Variants in ITPR1 observed in about 807,000 individuals in gnomAD.
ITPR1 encodes the protein inositol 1,4,5-trisphosphate receptor type 1, also known as inositol 1,4,5-trisphosphate-gated calcium channel ITPR1.
Under a neutral mutation model 318.4 loss-of-function variants are expected in ITPR1, and 96 were observed. The ratio of observed to expected loss-of-function variants is 0.30; its 90% CI spans 0.26 to 0.36. ITPR1 has a LOEUF of 0.36. Among genes scored for constraint, ITPR1 ranks in the 10% least tolerant of loss-of-function variants. The probability of loss-of-function intolerance (pLI) is 1.00; values close to 1 mark genes in which losing one functional copy is unlikely to be tolerated. For missense variants in ITPR1, 2,440 were observed against 3,460.2 expected (o/e 0.71, Z 7.40); for synonymous variants, 1,312 against 1,289.9 (o/e 1.02, Z -0.37).
At position 4,809,585 on chromosome 3, in the gene ITPR1, T is replaced by A. The variant is rs2048805563; in HGVS notation, c.7273-1680T>A. On this transcript the variant is annotated intron_variant, in intron 55 of 61. Transcript: ENST00000649015. ...CTCTAGATGGTGAATTATTAGTGAC[T>A]TTTTTTCCTTTGTGCTTTTTTTTGT... is the stretch of plus-strand genomic sequence containing the variant. 5.1e-5 allele frequency among the ~76,000 whole-genome samples: 7 copies of A among 137,284 alleles called. No individual in the cohort carries two copies. In the South Asian group the frequency reaches 1.6e-3, roughly 32 times the overall value. 90.1% of individuals were successfully genotyped at this position (137,284 alleles called of 152,430 possible). A position where few individuals can be genotyped will look rare whatever the true frequency, so the allele number is the denominator to read the frequency against.
At chr3:4,650,156 T>G (rs1479472497) in intron 10 of ITPR1, among the ~76,000 whole-genome samples, 1 of 152,254 alleles carries the variant, frequency 6.6e-6, no homozygotes, top group Non-Finnish European at 1.5e-5. Flanking sequence ...GTTTTCACAT[T>G]TTGGCTCCTG....
At chr3:4,502,484 AGGCT>A (rs2081094328) in intron 2 of ITPR1, among the ~76,000 whole-genome samples, 2 of 150,790 alleles carry the variant, frequency 1.3e-5, no homozygotes, top group African/African-American at 4.9e-5. Flanking sequence ...CTCTGTCACC[AGGCT>A]GGAGTGCAGT....
chr3:4,599,532 T>G (rs1371189886), intron 4 of ITPR1, among the ~76,000 whole-genome samples: 1 of 152,182 alleles, frequency 6.6e-6, no homozygotes, highest in Non-Finnish European at 1.5e-5. Flanking sequence ...ACTTTTACAG[T>G]CTTGCCAACA....
intron 60 of ITPR1, among the ~76,000 whole-genome samples, chr3:4,828,357 AG>A (rs1289881853): frequency 6.6e-6 from 1 of 152,222 alleles, no homozygotes; most frequent in African/African-American, 2.4e-5. Context: ...TTGAAAGTGC[AG>A]GGGAAGTTGC....
chr3:4,508,740 A>T (rs770896474), intron 2 of ITPR1, among the ~76,000 whole-genome samples: 2 of 152,148 alleles, frequency 1.3e-5, no homozygotes, highest in Non-Finnish European at 2.9e-5. Context: ...CCCTTTGAAG[A>T]GGTTTCCACC....
chr3:4,604,298 C>T (rs1244423546), intron 4 of ITPR1, among the ~76,000 whole-genome samples: 4 of 152,002 alleles, frequency 2.6e-5, no homozygotes, highest in Admixed American at 6.5e-5. Context: ...TGTGGGCTTT[C>T]GTGGAGTTGT....
intron 14 of ITPR1, among the ~76,000 whole-genome samples, chr3:4,661,538 CCT>C (rs2125190633): frequency 6.6e-6 from 1 of 152,294 alleles, no homozygotes; most frequent in Non-Finnish European, 1.5e-5. Flanking sequence ...TCTCCTTCCC[CCT>C]GTCTCCAGGG....
chr3:4,548,995 G>T (rs1267963280), intron 4 of ITPR1, among the ~76,000 whole-genome samples: 2 of 152,102 alleles, frequency 1.3e-5, no homozygotes, highest in Admixed American at 6.6e-5. Flanking sequence ...TTTCGGGAGG[G>T]GGGGACTTGT....
At chr3:4,722,701 T>C (rs2042247110) in intron 40 of ITPR1, among the ~76,000 whole-genome samples, 1 of 152,046 alleles carries the variant, frequency 6.6e-6, no homozygotes, top group African/African-American at 2.4e-5. Flanking sequence ...CTATGGGTGG[T>C]TTTACCGACT....
intron 42 of ITPR1, among the ~76,000 whole-genome samples, chr3:4,731,077 G>T (rs1175219450): frequency 6.6e-6 from 1 of 152,186 alleles, no homozygotes; most frequent in Non-Finnish European, 1.5e-5. Context: ...TATTTAAAAA[G>T]GGAAATCATA....
intron 10 of ITPR1, among the ~76,000 whole-genome samples, chr3:4,650,979 C>T (rs74407032): frequency 0.098 from 14,929 of 152,172 alleles, 1,006 homozygotes; most frequent in Middle Eastern, 0.18. Context: ...GATCCCTTTG[C>T]TCCTTTGAAG....
intron 4 of ITPR1, among the ~76,000 whole-genome samples, chr3:4,522,927 A>G (rs960432993): frequency 6.6e-6 from 1 of 152,200 alleles, no homozygotes; most frequent in Admixed American, 6.5e-5. Flanking sequence ...CTGCACAGGG[A>G]GATCACCTGG....
intron 4 of ITPR1, among the ~76,000 whole-genome samples, chr3:4,570,384 C>A (rs944945664): frequency 6.6e-6 from 1 of 152,186 alleles, no homozygotes; most frequent in Non-Finnish European, 1.5e-5. Context: ...CTAAGTAATG[C>A]TTTTGGAAGC....
rs1174004732 is a variant in ITPR1 at position 4,680,640 on chromosome 3, T to C, written c.3055T>C (p.Ser1019Pro). The change falls in exon 25 of 62, where the codon TCA becomes CCA. Residue 1019 changes from serine to proline, a missense_variant. This residue lies in a region of ITPR1 where 57 missense variants were observed against 46.2 expected (regional missense o/e 1.23). Coordinates refer to ENST00000649015, the MANE Select transcript of ITPR1 (RefSeq NM_001378452.1). ...REFDESNSQT[S>P]ETSSGNSSQE... ...GTTTGATGAAAGCAATTCCCAGACT[T>C]CAGAAACATCCTCCGGAAACAGCAG... The C allele has an allele frequency of 6.2e-7, 1 of 1,613,814 alleles. No individual in the cohort carries two copies. The highest frequency in any genetic ancestry group is 1.1e-5 in the South Asian group (1 of 91,076).
intron 4 of ITPR1, among the ~76,000 whole-genome samples, chr3:4,611,568 AT>A (rs1259398060): frequency 6.7e-6 from 1 of 148,724 alleles, no homozygotes; most frequent in Non-Finnish European, 1.5e-5. Context: ...TCAAAAATAA[AT>A]AAATAAATAA....
chr3:4,564,821 G>T (rs1024184691), intron 4 of ITPR1, among the ~76,000 whole-genome samples: 1 of 152,160 alleles, frequency 6.6e-6, no homozygotes, highest in Admixed American at 6.5e-5. Flanking sequence ...CTGAGCGACT[G>T]AGGGTTAGGA....
chr3:4,815,372 G>A lies in ITPR1; in HGVS notation c.7867+154G>A, dbSNP rs371425354. On this transcript the variant is annotated intron_variant, in intron 59 of 61. Coordinates refer to ENST00000649015, the MANE Select transcript of ITPR1 (RefSeq NM_001378452.1). Reference sequence around the variant, plus strand: ...CGTCTTGACTCTTCTACCCTCTGCCGTGAGTGAGGCTCTCCTTGGCCTTTA... The same window carrying A: ...CGTCTTGACTCTTCTACCCTCTGCCATGAGTGAGGCTCTCCTTGGCCTTTA... Among the ~76,000 whole-genome samples the A allele has an allele frequency of 1.2e-3, 187 of 152,254 alleles. 1 individual carries two copies. Among genetic ancestry groups the A allele is most frequent in the African/African-American group, 4.1e-3 (169 of 41,534 alleles).
chr3:4,740,952 G>A (rs940256290), intron 44 of ITPR1, among the ~76,000 whole-genome samples: 7 of 152,228 alleles, frequency 4.6e-5, no homozygotes, highest in Non-Finnish European at 7.3e-5. Flanking sequence ...TTGATGTTTT[G>A]TAGCAAGTGG....
chr3:4,710,101 G>A lies in ITPR1; in HGVS notation c.4843-224G>A, dbSNP rs2041240706. Among the ~76,000 whole-genome samples, 2 of 152,220 alleles carry A rather than the reference G, an allele frequency of 1.3e-5. No homozygotes were observed. The highest frequency in any genetic ancestry group is 2.4e-5 in the African/African-American group (1 of 41,452). ...CATAAGGGCCACCTTGAAAGAAGGG[G>A]TGGTGGGAAAGTTGACTTGTTTTCA... On this transcript the variant is annotated intron_variant, in intron 37 of 61. Coordinates refer to ENST00000649015, the MANE Select transcript of ITPR1 (RefSeq NM_001378452.1). This position sits in a 1 kb window ranked among gnomAD's most constrained non-coding sequence, Gnocchi z 4.2.
Sources: allele counts gnomAD v4.1 joint callset (sites outside exome capture counted in the v4.1 genomes callset), GRCh38; gene constraint gnomAD v4.1.1; regional missense constraint gnomAD v4.1.1; non-coding constraint Gnocchi (gnomAD v3.1); transcripts MANE v1.5; gene names NCBI Gene and HGNC (gene_info 2026-07-23, HGNC 2026-07-21).